CHODL: variants seen among roughly 807,000 people sequenced by gnomAD.
CHODL encodes chondrolectin, also known as transmembrane protein MT75.
CHODL carries 29 observed loss-of-function variants against 34.5 expected under a neutral mutation model. The ratio of observed to expected loss-of-function variants is 0.84; its 90% CI spans 0.63 to 1.15. The LOEUF (loss-of-function observed/expected upper bound fraction) is 1.15, where lower values mean the gene tolerates loss of function less well. Ranked by LOEUF, CHODL falls within the 50% of genes most tolerant of loss-of-function variation. The pLI is 0.00. For missense variants in CHODL, 332 were observed against 332.5 expected (o/e 1.00, Z 0.01); for synonymous variants, 125 against 116.1 (o/e 1.08, Z -0.49).
intron 1 of CHODL, among the ~76,000 whole-genome samples, chr21:17,927,263 A>C (rs2063236745): frequency 6.6e-6 from 1 of 151,522 alleles, no homozygotes. Flanking sequence ...CCAGAAAAAT[A>C]GGGAAATGAG....
chr21:18,105,545 G>A (rs2146551304), intron 2 of CHODL, among the ~76,000 whole-genome samples: 1 of 152,278 alleles, frequency 6.6e-6, no homozygotes, highest in African/African-American at 2.4e-5. Context: ...TATAGGCCAT[G>A]GACCCACAGG....
chr21:18,005,500 A>T (rs1181199496), intron 1 of CHODL, among the ~76,000 whole-genome samples: 1 of 152,226 alleles, frequency 6.6e-6, no homozygotes, highest in Non-Finnish European at 1.5e-5. Flanking sequence ...CTTGGAAGGA[A>T]TTTCTGTGAG....
chr21:18,015,043 A>G (rs1266921599), intron 1 of CHODL, among the ~76,000 whole-genome samples: 1 of 152,146 alleles, frequency 6.6e-6, no homozygotes, highest in African/African-American at 2.4e-5. Flanking sequence ...CTTCTTAGAG[A>G]CTGGTTAAAT....
chr21:18,177,109 T>C (rs1049805340), intron 2 of CHODL, among the ~76,000 whole-genome samples: 4 of 151,994 alleles, frequency 2.6e-5, no homozygotes, highest in African/African-American at 9.7e-5. Flanking sequence ...TTCTGACTTC[T>C]TCATCAAAAA....
intron 2 of CHODL, among the ~76,000 whole-genome samples, chr21:18,115,869 C>T (rs991687396): frequency 1.3e-5 from 2 of 152,124 alleles, no homozygotes; most frequent in Non-Finnish European, 2.9e-5. Context: ...TGTCTTTTTT[C>T]CCACTCTGCT....
chr21:18,116,821 A>T (rs924559287), intron 2 of CHODL, among the ~76,000 whole-genome samples: 1 of 152,216 alleles, frequency 6.6e-6, no homozygotes, highest in Non-Finnish European at 1.5e-5. Flanking sequence ...GCTCTGGGAC[A>T]TCTCTGAGTG....
chr21:17,983,934 A>G (rs938955663), intron 1 of CHODL, among the ~76,000 whole-genome samples: 1 of 151,826 alleles, frequency 6.6e-6, no homozygotes, highest in African/African-American at 2.4e-5. Context: ...GGGCAAGAAC[A>G]CTTAACAGGA....
chr21:18,113,363 A>G (rs979105799), intron 2 of CHODL, among the ~76,000 whole-genome samples: 1 of 152,208 alleles, frequency 6.6e-6, no homozygotes, highest in African/African-American at 2.4e-5. Flanking sequence ...CAAAAAACTA[A>G]AAATTGAGCT....
chr21:18,067,083 G>C (rs1399621654), intron 2 of CHODL, among the ~76,000 whole-genome samples: 1 of 152,204 alleles, frequency 6.6e-6, no homozygotes, highest in African/African-American at 2.4e-5. Context: ...CATGGGTTAT[G>C]TTTTATGCCA....
intron 2 of CHODL, among the ~76,000 whole-genome samples, chr21:18,149,189 A>G (rs1485633931): frequency 6.6e-6 from 1 of 152,208 alleles, no homozygotes; most frequent in South Asian, 2.1e-4. Flanking sequence ...TTTCAGATGA[A>G]TCACTCTCTT....
At chr21:18,203,741 T>A (rs758054262) in intron 2 of CHODL, among the ~76,000 whole-genome samples, 17 of 152,182 alleles carry the variant, frequency 1.1e-4, no homozygotes, top group Non-Finnish European at 1.8e-4. Context: ...CATATTAATG[T>A]GCTTCTGATC....
chr21:17,935,661 A>C (rs138676964), intron 1 of CHODL, among the ~76,000 whole-genome samples: 163 of 152,378 alleles, frequency 1.1e-3, no homozygotes, highest in African/African-American at 3.7e-3. Context: ...TGATGCACAA[A>C]GTAGAAATAT....
intron 2 of CHODL, among the ~76,000 whole-genome samples, chr21:18,209,866 G>A (rs1420422098): frequency 6.6e-6 from 1 of 152,128 alleles, no homozygotes; most frequent in Non-Finnish European, 1.5e-5. Flanking sequence ...TCTGCCTGGT[G>A]CCCTATTCTA....
intron 2 of CHODL, among the ~76,000 whole-genome samples, chr21:18,155,135 G>C: frequency 6.6e-6 from 1 of 152,122 alleles, no homozygotes; most frequent in East Asian, 1.9e-4. Context: ...TACTAGAGGT[G>C]ACTATTTTTT....
intron 2 of CHODL, among the ~76,000 whole-genome samples, chr21:18,162,986 A>G (rs1189779475): frequency 6.6e-6 from 1 of 152,178 alleles, no homozygotes; most frequent in African/African-American, 2.4e-5. Flanking sequence ...CTGAATGTTT[A>G]TGCCATATAT....
At chr21:18,224,766 G>T (rs187882653) in intron 2 of CHODL, among the ~76,000 whole-genome samples, 2 of 152,078 alleles carry the variant, frequency 1.3e-5, no homozygotes, top group African/African-American at 2.4e-5. Context: ...GAAGGTAGTA[G>T]GGTATAGCCA....
intron 1 of CHODL, among the ~76,000 whole-genome samples, chr21:18,021,440 G>C (rs1450913215): frequency 2.0e-5 from 3 of 152,230 alleles, no homozygotes; most frequent in East Asian, 3.9e-4. Context: ...CCAGCAAACA[G>C]TTTCCTTCCA....
chr21:17,979,934 G>A (rs1414112282), intron 1 of CHODL, among the ~76,000 whole-genome samples: 1 of 152,070 alleles, frequency 6.6e-6, no homozygotes, highest in East Asian at 1.9e-4. Flanking sequence ...GTGATGTCAG[G>A]GGTGCCTCAG....
At chr21:18,044,159 G>A (rs760391737) in intron 2 of CHODL, among the ~76,000 whole-genome samples, 2 of 151,944 alleles carry the variant, frequency 1.3e-5, no homozygotes, top group Non-Finnish European at 2.9e-5. Flanking sequence ...ATCAAGAAGT[G>A]AAATAAAAAC....
Sources: allele counts gnomAD v4.1 joint callset (sites outside exome capture counted in the v4.1 genomes callset), GRCh38; gene constraint gnomAD v4.1.1; transcripts MANE v1.5; gene names NCBI Gene and HGNC (gene_info 2026-07-23, HGNC 2026-07-21).